PHACTR1: variants seen among roughly 807,000 people sequenced by gnomAD.
PHACTR1 encodes RPEL repeat containing 1.
PHACTR1 carries 16 observed loss-of-function variants against 69.2 expected under a neutral mutation model. The observed-to-expected ratio is 0.23, with a 90% CI of 0.16 to 0.35. PHACTR1 has a LOEUF of 0.35. Ranked by LOEUF, PHACTR1 falls within the 10% of genes least tolerant of loss-of-function variation. The probability of loss-of-function intolerance (pLI) is 1.00; values close to 1 mark genes in which losing one functional copy is unlikely to be tolerated. For synonymous variants in PHACTR1, 312 were observed against 284.5 expected (o/e 1.10, Z -0.97); for missense variants, 510 against 734.7 (o/e 0.69, Z 3.54).
At chr6:13,033,745 A>T (rs1324071945) in intron 4 of PHACTR1, among the ~76,000 whole-genome samples, 1 of 152,202 alleles carries the variant, frequency 6.6e-6, no homozygotes, top group East Asian at 1.9e-4. Context: ...ACTATTCTAG[A>T]AAAGAACTTT....
intron 5 of PHACTR1, among the ~76,000 whole-genome samples, chr6:13,061,908 T>C (rs1158878859): frequency 6.6e-6 from 1 of 152,220 alleles, no homozygotes; most frequent in Non-Finnish European, 1.5e-5. Context: ...CAAAATTTGC[T>C]TTTGAATGTT....
At chr6:12,812,497 G>A (rs564676302) in intron 4 of PHACTR1, among the ~76,000 whole-genome samples, 1 of 152,194 alleles carries the variant, frequency 6.6e-6, no homozygotes, top group South Asian at 2.1e-4. Flanking sequence ...AAGAAGCGAA[G>A]TGTCTAGCCT....
chr6:12,762,810 G>A (rs1354866763), intron 4 of PHACTR1, among the ~76,000 whole-genome samples: 2 of 152,144 alleles, frequency 1.3e-5, no homozygotes, highest in African/African-American at 2.4e-5. Context: ...ATATAGGTCA[G>A]GTCCTTTCAG....
At chr6:13,003,951 C>CTATATATATATATATATATATATATATA (rs1384494931) in intron 4 of PHACTR1, among the ~76,000 whole-genome samples, 1,744 of 91,832 alleles carry the variant, frequency 0.019, 95 homozygotes, top group Middle Eastern at 0.026. Flanking sequence ...AGTAGTATTC[C>CTATATATATATATATATATATATATATA]TATATATATA....
intron 5 of PHACTR1, among the ~76,000 whole-genome samples, chr6:13,080,373 CTATTG>C: frequency 6.6e-6 from 1 of 152,140 alleles, no homozygotes; most frequent in Non-Finnish European, 1.5e-5. Context: ...AAAATTAACC[CTATTG>C]AAGTTTTTAC....
Position 13,095,749 on chromosome 6 carries a change from C to CTT in PHACTR1, c.415+42250_415+42251dup, listed in dbSNP as rs140109520. Among the ~76,000 whole-genome samples, 609 of 77,252 alleles carry CTT rather than the reference C, an allele frequency of 7.9e-3. 77 individuals carry two copies. Among genetic ancestry groups the CTT allele is most frequent in the Non-Finnish European group, 0.011 (493 of 44,516 alleles). 50.7% of individuals were successfully genotyped at this position (77,252 alleles called of 152,430 possible). A position where few individuals can be genotyped will look rare whatever the true frequency, so the allele number is the denominator to read the frequency against. On this transcript the variant is annotated intron_variant, in intron 5 of 14. Coordinates refer to ENST00000332995, the MANE Select transcript of PHACTR1 (RefSeq NM_030948.6). ...CTTTAAAGTGAATTATTGTGAAGGG[C>CTT]TTTTTTTTTTTTTTTTTTTTTTTTT... is the stretch of plus-strand genomic sequence containing the variant.
chr6:13,225,411 T>C (rs1195210686), intron 8 of PHACTR1, among the ~76,000 whole-genome samples: 1 of 152,174 alleles, frequency 6.6e-6, no homozygotes, highest in African/African-American at 2.4e-5. Context: ...CCAATCCCTA[T>C]TTGACAAACC....
chr6:12,847,341 A>T (rs1779392944), intron 4 of PHACTR1, among the ~76,000 whole-genome samples: 1 of 152,228 alleles, frequency 6.6e-6, no homozygotes. Context: ...CACTATTTGT[A>T]AACTAAAGAT....
intron 5 of PHACTR1, among the ~76,000 whole-genome samples, chr6:13,069,057 C>G (rs754270695): frequency 1.3e-5 from 2 of 151,970 alleles, no homozygotes; most frequent in Non-Finnish European, 2.9e-5. Context: ...ATGTGCAGGC[C>G]CCGAGGCCAG....
At chr6:12,929,303 C>T (rs934024765) in intron 4 of PHACTR1, among the ~76,000 whole-genome samples, 1 of 152,134 alleles carries the variant, frequency 6.6e-6, no homozygotes, top group African/African-American at 2.4e-5. Flanking sequence ...ACCTACTCCT[C>T]CTACCTACTC....
At chr6:12,818,020 T>C (rs1206267092) in intron 4 of PHACTR1, among the ~76,000 whole-genome samples, 1 of 152,126 alleles carries the variant, frequency 6.6e-6, no homozygotes, top group Non-Finnish European at 1.5e-5. Flanking sequence ...AGACAGGGTT[T>C]CACCATATTA....
chr6:13,268,222 G>A (rs1229618676), intron 10 of PHACTR1, among the ~76,000 whole-genome samples: 2 of 152,182 alleles, frequency 1.3e-5, no homozygotes, highest in Admixed American at 1.3e-4. Flanking sequence ...AGCTGAGATT[G>A]TGCCACTGCA....
At chr6:13,277,528 C>T (rs1054419278) in intron 11 of PHACTR1, among the ~76,000 whole-genome samples, 4 of 152,182 alleles carry the variant, frequency 2.6e-5, no homozygotes, top group Non-Finnish European at 5.9e-5. Context: ...GACACAAGGA[C>T]TATACCACAA....
chr6:12,860,066 A>G (rs1348128125), intron 4 of PHACTR1, among the ~76,000 whole-genome samples: 1 of 151,984 alleles, frequency 6.6e-6, no homozygotes, highest in East Asian at 1.9e-4. Flanking sequence ...GGTTTGTTAC[A>G]TAGGTATACA....
intron 10 of PHACTR1, among the ~76,000 whole-genome samples, chr6:13,234,739 A>C (rs918066391): frequency 2.0e-5 from 3 of 152,216 alleles, no homozygotes; most frequent in African/African-American, 7.2e-5. Context: ...CTCAATAAGC[A>C]AGTCATCTGG....
intron 4 of PHACTR1, among the ~76,000 whole-genome samples, chr6:12,911,769 T>G (rs1233170396): frequency 6.6e-6 from 1 of 152,236 alleles, no homozygotes; most frequent in East Asian, 1.9e-4. Context: ...CATTTATAAG[T>G]GCCTTTGTAC....
At chr6:12,809,024 T>C (rs147220896) in intron 4 of PHACTR1, among the ~76,000 whole-genome samples, 2,721 of 152,076 alleles carry the variant, frequency 0.018, 25 homozygotes, top group Non-Finnish European at 0.028. Context: ...ACTATAGTCA[T>C]GTGCCACCAC....
At chr6:13,220,964 G>A (rs1305079854) in intron 8 of PHACTR1, among the ~76,000 whole-genome samples, 1 of 152,186 alleles carries the variant, frequency 6.6e-6, no homozygotes, top group Non-Finnish European at 1.5e-5. Flanking sequence ...TGCTTAGCCT[G>A]TAATTATAAC....
chr6:12,920,474 G>T (rs1787520654), intron 4 of PHACTR1, among the ~76,000 whole-genome samples: 1 of 152,176 alleles, frequency 6.6e-6, no homozygotes, highest in Non-Finnish European at 1.5e-5. Context: ...AACTGTCAAG[G>T]AGTCTGACTT....
Sources: gnomAD v4.1 joint callset for allele counts (sites outside exome capture counted in the v4.1 genomes callset) on GRCh38, gnomAD v4.1.1 for gene constraint, MANE v1.5 for transcripts, NCBI Gene and HGNC (gene_info 2026-07-23, HGNC 2026-07-21) for gene names.